Variants in SYBU observed in about 807,000 individuals in gnomAD.
SYBU encodes GOLSYN A protein.
Under a neutral mutation model 35.9 loss-of-function variants are expected in SYBU, and 21 were observed. The observed-to-expected ratio is 0.58, with a 90% CI of 0.41 to 0.84. The LOEUF (loss-of-function observed/expected upper bound fraction) is 0.84. Ranked by LOEUF, SYBU falls within the 40% of genes least tolerant of loss-of-function variation. SYBU has a pLI of 0.00. For synonymous variants in SYBU, 319 were observed against 324.3 expected, an observed-to-expected ratio of 0.98 and a Z score of 0.18; for missense variants, 768 against 848.2, an observed-to-expected ratio of 0.91 and a Z score of 1.17.
At chr8:109,619,150 T>C in intron 2 of SYBU, 111 bp from the exon 3 acceptor site, 1 of 759,898 alleles carries the variant, frequency 1.3e-6, no homozygotes, top group South Asian at 1.6e-5. Context: ...ACGTACACTC[T>C]GCTTATGAAG....
intron 3 of SYBU, among the ~76,000 whole-genome samples, chr8:109,596,929 T>A (rs1824944368): frequency 6.6e-6 from 1 of 152,222 alleles, no homozygotes; most frequent in Non-Finnish European, 1.5e-5. Flanking sequence ...AGATTTGTAC[T>A]TTTATTTACC....
At chr8:109,582,333 C>T (rs1823125562) in intron 4 of SYBU, among the ~76,000 whole-genome samples, 1 of 152,134 alleles carries the variant, frequency 6.6e-6, no homozygotes, top group African/African-American at 2.4e-5. Context: ...CAAATGCTAA[C>T]ATGTATAGGT....
At chr8:109,644,986 C>A, upstream of SYBU, 1 of 496,196 alleles carries the variant, frequency 2.0e-6, no homozygotes, top group Non-Finnish European at 3.7e-6. Flanking sequence ...CCACGGCACT[C>A]CGCGCCCCCC....
intron 3 of SYBU, among the ~76,000 whole-genome samples, chr8:109,604,779 C>T (rs1345604364): frequency 1.3e-5 from 2 of 152,188 alleles, no homozygotes; most frequent in African/African-American, 2.4e-5. Flanking sequence ...TTCACTTCTT[C>T]CTCTAACGAT....
At chr8:109,662,381 T>C (rs896292702) in intron 1 of SYBU, among the ~76,000 whole-genome samples, 2 of 152,214 alleles carry the variant, frequency 1.3e-5, no homozygotes, top group East Asian at 3.8e-4. Context: ...CCTGGGGTCA[T>C]TTTTGATCAT....
intron 3 of SYBU, among the ~76,000 whole-genome samples, chr8:109,616,414 G>A (rs1442656623): frequency 6.6e-6 from 1 of 152,096 alleles, no homozygotes; most frequent in Non-Finnish European, 1.5e-5. Context: ...TTAGGGAATT[G>A]CTCAGTGTGA....
intron 1 of SYBU, among the ~76,000 whole-genome samples, chr8:109,678,731 G>T (rs1371211372): frequency 6.6e-6 from 1 of 152,044 alleles, no homozygotes; most frequent in Non-Finnish European, 1.5e-5. Context: ...GAGCTAGCAT[G>T]CCCAGCTTCA....
upstream of SYBU, among the ~76,000 whole-genome samples, chr8:109,684,289 C>T (rs1029580439): frequency 6.6e-6 from 1 of 151,370 alleles, no homozygotes. Context: ...CACAGCTAAG[C>T]TACTAAATCT....
chr8:109,617,374 G>A (rs1811925710), intron 3 of SYBU, among the ~76,000 whole-genome samples: 2 of 152,096 alleles, frequency 1.3e-5, no homozygotes, highest in African/African-American at 2.4e-5. Context: ...TTTTGGGAGT[G>A]ATACAAACTT....
At chr8:109,678,145 A>G (rs1381758129) in intron 1 of SYBU, among the ~76,000 whole-genome samples, 1 of 148,638 alleles carries the variant, frequency 6.7e-6, no homozygotes, top group African/African-American at 2.5e-5. Flanking sequence ...AAAAAAAAAA[A>G]AAAAAAAAAA....
chr8:109,617,941 G>C (rs537692576), intron 3 of SYBU, among the ~76,000 whole-genome samples: 2 of 152,308 alleles, frequency 1.3e-5, no homozygotes, highest in South Asian at 2.1e-4. Context: ...TATGGAAGAG[G>C]ACACAGGGCT....
intron 1 of SYBU, among the ~76,000 whole-genome samples, chr8:109,668,418 CT>C (rs1173179667): frequency 6.6e-6 from 1 of 152,186 alleles, no homozygotes; most frequent in East Asian, 1.9e-4. Flanking sequence ...TAGAAGGAAA[CT>C]GGCTAGGTAA....
At chr8:109,609,148 C>A (rs1027344604) in intron 3 of SYBU, among the ~76,000 whole-genome samples, 1 of 152,216 alleles carries the variant, frequency 6.6e-6, no homozygotes, top group East Asian at 1.9e-4. Flanking sequence ...GCAATTACCT[C>A]TCAGAAAAGA....
At chr8:109,689,869 A>AGAC (rs1039239187) in intron 1 of SYBU, among the ~76,000 whole-genome samples, 1 of 149,660 alleles carries the variant, frequency 6.7e-6, no homozygotes, top group Non-Finnish European at 1.5e-5. Context: ...TGACTATTAG[A>AGAC]GACAGCTGGT....
At position 109,575,751 on chromosome 8, in the gene SYBU, A is replaced by G. The variant is rs781324776; in HGVS notation, c.1147T>C (p.Ser383Pro). 2 of 1,614,078 alleles carry G rather than the reference A, an allele frequency of 1.2e-6. No homozygotes were observed. ...TCTAGGCACAGTTCGTCCCTCAGAG[A>G]GCCACTGTGTGCCATCTCCATGCTC... ...LQSMEMAHSGSLRDELCLDFP... is the reference protein window; with the variant it reads ...LQSMEMAHSGPLRDELCLDFP... The change falls in exon 7 of 7, where the codon TCT (serine) becomes CCT (proline). Residue 383 changes from serine to proline, a missense_variant. Transcript: ENST00000276646.
chr8:109,680,615 C>T (rs1033229523), intron 1 of SYBU: 1 of 100,530 alleles, frequency 9.9e-6, no homozygotes, highest in African/African-American at 4.9e-5. Context: ...TTTAGTTAAC[C>T]ACATCTTCCT....
chr8:109,625,809 C>T (rs779703589), intron 2 of SYBU, among the ~76,000 whole-genome samples: 6 of 152,152 alleles, frequency 3.9e-5, no homozygotes, highest in Admixed American at 6.5e-5. Context: ...TGCTTTACTA[C>T]ACATTTTATA....
Position 109,642,872 on chromosome 8 carries a change from T to A in SYBU, c.85A>T (p.Ile29Phe). The change falls in exon 2 of 7, where the codon ATT becomes TTT. Residue 29 changes from isoleucine (I) to phenylalanine (F), a missense_variant. Transcript: ENST00000276646. ...EISRSRIPRLILRPHMPQQQH... is the reference protein window; with the variant it reads ...EISRSRIPRLFLRPHMPQQQH... ...TGTTGGGGCATATGGGGCCGAAGAA[T>A]CAACCGGGGAATTCGGCTTCGAGAA... 6.3e-7 allele frequency: 1 copy of A among 1,598,958 alleles called. No individual in the cohort carries two copies. Among genetic ancestry groups the A allele is most frequent in the Non-Finnish European group, 8.5e-7 (1 of 1,172,088 alleles).
chr8:109,677,070 G>C (rs1418043154), intron 1 of SYBU, among the ~76,000 whole-genome samples: 1 of 151,308 alleles, frequency 6.6e-6, no homozygotes, highest in East Asian at 1.9e-4. Flanking sequence ...GAAGATATAG[G>C]AAAAAAAGAG....
Sources: allele counts gnomAD v4.1 joint callset (sites outside exome capture counted in the v4.1 genomes callset), GRCh38; gene constraint gnomAD v4.1.1; transcripts MANE v1.5; gene names NCBI Gene and HGNC (gene_info 2026-07-23, HGNC 2026-07-21).